ANKRD17: variants seen among roughly 807,000 people sequenced by gnomAD.
The protein encoded by ANKRD17 is ankyrin repeat domain-containing protein 17.
ANKRD17 carries 19 observed loss-of-function variants against 229.7 expected under a neutral mutation model. The observed-to-expected ratio is 0.08, with a 90% CI of 0.06 to 0.12. ANKRD17 has a LOEUF of 0.12. ANKRD17 is among the 10% of genes least tolerant of loss of function. The probability of loss-of-function intolerance (pLI) is 1.00; values close to 1 mark genes in which losing one functional copy is unlikely to be tolerated. For missense variants in ANKRD17, 2,176 were observed against 3,176.8 expected, an observed-to-expected ratio of 0.68 and a Z score of 7.57; for synonymous variants, 1,112 against 1,146.1, an observed-to-expected ratio of 0.97 and a Z score of 0.60.
chr4:73,207,610 T>C (rs1185885338), intron 1 of ANKRD17, among the ~76,000 whole-genome samples: 1 of 152,148 alleles, frequency 6.6e-6, no homozygotes, highest in Non-Finnish European at 1.5e-5. Context: ...ATAGAAATGC[T>C]GGTAGAGCTA....
At chr4:73,206,776 C>G (rs1405003418) in intron 1 of ANKRD17, among the ~76,000 whole-genome samples, 1 of 152,134 alleles carries the variant, frequency 6.6e-6, no homozygotes, top group Admixed American at 6.5e-5. Context: ...AGCATGGTAA[C>G]TAGAGTTAAT....
In ANKRD17 at chr4:73,182,051, CAAAAAAAAAAAAAAAAAAAA is replaced by C. The variant is rs143812968; in HGVS notation, c.394-4538_394-4519del. On this transcript the variant is annotated intron_variant, in intron 1 of 33. Coordinates refer to ENST00000358602, the MANE Select transcript of ANKRD17 (RefSeq NM_032217.5). ...CGACAGAGCAAGACTCCGTCCCCACCAAAAAAAAAAAAAAAAAAAAAAAAAAAAAAAAAAAAAAAAATTTA... is the reference window on the plus strand; with the variant it reads ...CGACAGAGCAAGACTCCGTCCCCACCAAAAAAAAAAAAAAAAAAAAATTTA... Among the ~76,000 whole-genome samples, 297 of 43,252 alleles carry C rather than the reference CAAAAAAAAAAAAAAAAAAAA, an allele frequency of 6.9e-3. 2 individuals are homozygous for C. Among genetic ancestry groups the C allele is most frequent in the African/African-American group, 0.029 (268 of 9,126 alleles). 28.4% of individuals were successfully genotyped at this position (43,252 alleles called of 152,430 possible).
chr4:73,153,757 A>T (rs1426425561), intron 6 of ANKRD17, 123 bp downstream of exon 6: 1 of 626,614 alleles, frequency 1.6e-6, no homozygotes, highest in African/African-American at 1.9e-5. Context: ...ACACTTATTT[A>T]ACCTTTAATT....
intron 16 of ANKRD17, among the ~76,000 whole-genome samples, chr4:73,130,516 G>A (rs1481214306): frequency 1.3e-5 from 2 of 151,650 alleles, no homozygotes; most frequent in East Asian, 3.9e-4. Context: ...GTCTTGATAC[G>A]TCACAAGTGA....
intron 25 of ANKRD17, chr4:73,099,167 C>G: frequency 1.5e-6 from 1 of 671,982 alleles, no homozygotes; most frequent in Non-Finnish European, 2.8e-6. Context: ...GCCTGTGCCT[C>G]ACTGAAGGAG....
At chr4:73,161,913 G>C (rs912441420) in intron 2 of ANKRD17, among the ~76,000 whole-genome samples, 1 of 151,818 alleles carries the variant, frequency 6.6e-6, no homozygotes, top group Non-Finnish European at 1.5e-5. Context: ...GTCTTATTCT[G>C]TCACCCAAGC....
At chr4:73,226,292 GAACA>G (rs897431013) in intron 1 of ANKRD17, among the ~76,000 whole-genome samples, 1 of 148,336 alleles carries the variant, frequency 6.7e-6, no homozygotes, top group African/African-American at 2.5e-5. Context: ...TTGATTAAAT[GAACA>G]AATTCACAGA....
At chr4:73,177,343 A>G (rs1006658506) in intron 2 of ANKRD17, 37 bp downstream of exon 2, 1 of 1,435,062 alleles carries the variant, frequency 7.0e-7, no homozygotes, top group Non-Finnish European at 9.2e-7. Flanking sequence ...GCAACTTTAC[A>G]TAACAAGGTA....
intron 1 of ANKRD17, among the ~76,000 whole-genome samples, chr4:73,227,355 T>G (rs1742615244): frequency 6.6e-6 from 1 of 152,104 alleles, no homozygotes; most frequent in African/African-American, 2.4e-5. Flanking sequence ...GGTTTCATCA[T>G]GTTGGCCAGG....
intron 1 of ANKRD17, among the ~76,000 whole-genome samples, chr4:73,230,694 C>A (rs1742960356): frequency 6.6e-6 from 1 of 152,132 alleles, no homozygotes; most frequent in South Asian, 2.1e-4. Flanking sequence ...ACGCTTCATC[C>A]AGATGTGTCC....
chr4:73,220,420 G>A (rs1182147436), intron 1 of ANKRD17, among the ~76,000 whole-genome samples: 1 of 151,932 alleles, frequency 6.6e-6, no homozygotes, highest in Non-Finnish European at 1.5e-5. Context: ...CCCTTACCTT[G>A]GACTGTTGAA....
Position 73,092,220 on chromosome 4 carries a change from A to G in ANKRD17, c.5408T>C (p.Leu1803Pro). ...GCTTTTCAAACGATTCTTTGGAATA[A>G]GTTCATCAATTTCTTTGTCTGGATC... is the stretch of plus-strand genomic sequence containing the variant. Reference protein sequence around the residue: ...IKDPDKEIDELIPKNRLKSSS... With the variant: ...IKDPDKEIDEPIPKNRLKSSS... Residue 1803 changes from leucine to proline, a missense_variant, in exon 29 of 34, where the codon CTT becomes CCT. Leu to Pro is a moderately conservative substitution (Grantham distance 98, BLOSUM62 -3). This residue lies in a region of ANKRD17 where 142 missense variants were observed against 200.4 expected (regional missense o/e 0.71). Transcript: ENST00000358602. 1 of 1,614,212 alleles carries G rather than the reference A, an allele frequency of 6.2e-7. No individual in the cohort carries two copies. Among genetic ancestry groups the G allele is most frequent in the Non-Finnish European group, 8.5e-7 (1 of 1,180,038 alleles).
At chr4:73,130,814 A>G (rs1448277863) in intron 16 of ANKRD17, among the ~76,000 whole-genome samples, 2 of 152,170 alleles carry the variant, frequency 1.3e-5, no homozygotes, top group East Asian at 1.9e-4. Flanking sequence ...AGAATCGATC[A>G]TATTTTACAC....
At chr4:73,168,312 G>C (rs1241439147) in intron 2 of ANKRD17, among the ~76,000 whole-genome samples, 3 of 152,124 alleles carry the variant, frequency 2.0e-5, no homozygotes, top group African/African-American at 4.8e-5. Context: ...TGAACAATTA[G>C]TGTTCATAGT....
intron 3 of ANKRD17, among the ~76,000 whole-genome samples, chr4:73,159,427 A>T (rs1732203400): frequency 6.6e-6 from 1 of 152,204 alleles, no homozygotes; most frequent in Non-Finnish European, 1.5e-5. Flanking sequence ...TACTCTAGCA[A>T]CAGCTGAACT....
intron 29 of ANKRD17, among the ~76,000 whole-genome samples, chr4:73,088,276 G>A (rs1408676126): frequency 6.6e-6 from 1 of 152,060 alleles, no homozygotes; most frequent in Non-Finnish European, 1.5e-5. Flanking sequence ...TCTGAGAGAG[G>A]TTTAGGAGAA....
intron 1 of ANKRD17, among the ~76,000 whole-genome samples, chr4:73,211,079 A>T (rs918833186): frequency 6.6e-6 from 1 of 151,974 alleles, no homozygotes; most frequent in Non-Finnish European, 1.5e-5. Context: ...CTTTTTTTTA[A>T]CTTAAAGAGT....
chr4:73,234,428 A>G (rs1743329005), intron 1 of ANKRD17, among the ~76,000 whole-genome samples: 2 of 152,104 alleles, frequency 1.3e-5, no homozygotes, highest in Admixed American at 1.3e-4. Context: ...ATCTTCTTTC[A>G]TCCTCTTGAT....
In ANKRD17 at chr4:73,076,974, A is replaced by T. The variant is rs2110079549; in HGVS notation, c.7718T>A (p.Val2573Asp). The T allele has an allele frequency of 6.2e-7, 1 of 1,612,836 alleles. No homozygotes were observed. Residue 2573 changes from valine (V) to aspartate (D), a missense_variant, in exon 33 of 34, where the codon GTT (valine) becomes GAT (aspartate). By Grantham distance (152) the Val-to-Asp change is radical (BLOSUM62 -3). Transcript: ENST00000358602. ...GCCATTATTTTCCGTGGAGCTGGAA[A>T]CCATCTTTATCAGTGAGTTCCAAGA... ...DPSWNSLIKM[V>D]SSSTENNGPQ...
Sources: gnomAD v4.1 joint callset for allele counts (sites outside exome capture counted in the v4.1 genomes callset) on GRCh38, gnomAD v4.1.1 for gene constraint, gnomAD v4.1.1 regional missense constraint, MANE v1.5 for transcripts, NCBI Gene and HGNC (gene_info 2026-07-23, HGNC 2026-07-21) for gene names.